Variants in NIPA1 observed in about 807,000 individuals in gnomAD.
The protein encoded by NIPA1 is NIPA magnesium transporter 1.
In NIPA1, 13 loss-of-function variants were observed where a neutral mutation model predicts 23.9. That is an observed-to-expected ratio of 0.54 (90% CI 0.35 to 0.87). NIPA1 has a LOEUF of 0.87. NIPA1 is among the 40% of genes least tolerant of loss of function. The pLI is 0.01. For synonymous variants in NIPA1, 234 were observed against 202.9 expected (o/e 1.15, Z -1.30); for missense variants, 362 against 429.7 (o/e 0.84, Z 1.39).
chr15:22,802,269 G>A (rs569223171), intron 1 of NIPA1, among the ~76,000 whole-genome samples: 14 of 151,674 alleles, frequency 9.2e-5, no homozygotes, highest in African/African-American at 3.4e-4. Flanking sequence ...GCACATGCCT[G>A]TAATCACAGC....
At chr15:22,789,667 C>T in intron 1 of NIPA1, among the ~76,000 whole-genome samples, 1 of 152,272 alleles carries the variant, frequency 6.6e-6, no homozygotes, top group East Asian at 1.9e-4. Flanking sequence ...AGTCATGTGG[C>T]ACCAAAGTAT....
rs1895626400 is a variant in NIPA1, at chr15:22,825,261, A to G, written c.*1022A>G. 1 of 152,214 alleles carries G rather than the reference A, an allele frequency of 6.6e-6. No homozygotes were observed. Among genetic ancestry groups the G allele is most frequent in the South Asian group, 2.1e-4 (1 of 4,830 alleles). The allele number at this position is 152,214 out of a possible 1,614,324, so 9.4% of individuals were successfully genotyped here. ...AACACAGTGGTGAGTATTTGTGTTT[A>G]CAAACATAGGAAAGGTACAGTAAAA... On this transcript the variant is annotated 3_prime_UTR_variant, in exon 5 of 5. Coordinates refer to ENST00000337435, the MANE Select transcript of NIPA1 (RefSeq NM_144599.5).
intron 1 of NIPA1, among the ~76,000 whole-genome samples, chr15:22,789,050 A>G (rs1176599795): frequency 6.7e-6 from 1 of 150,340 alleles, no homozygotes; most frequent in Admixed American, 6.6e-5. Flanking sequence ...CTGGAGTGCA[A>G]TGGCGCGATC....
At chr15:22,821,756 T>TGGTTTGCATGTCCACACTTG (rs1895545524) in intron 4 of NIPA1, among the ~76,000 whole-genome samples, 1 of 151,684 alleles carries the variant, frequency 6.6e-6, no homozygotes, top group Non-Finnish European at 1.5e-5. Context: ...GTCCACACTC[T>TGGTTTGCATGTCCACACTTG]CTGGTTTGCA....
At chr15:22,787,152 T>C (rs1009501652) in intron 1 of NIPA1, among the ~76,000 whole-genome samples, 3 of 152,012 alleles carry the variant, frequency 2.0e-5, no homozygotes, top group Non-Finnish European at 4.4e-5. Context: ...CGGCTGACTT[T>C]TTCCCTCGGT....
chr15:22,806,196 TACAGGCGTGA>T (rs1895208475), intron 1 of NIPA1, among the ~76,000 whole-genome samples: 1 of 152,218 alleles, frequency 6.6e-6, no homozygotes. Context: ...GTGCCGGGAT[TACAGGCGTGA>T]GCCACCGCGC....
At chr15:22,818,104 T>A (rs2140873461) in intron 3 of NIPA1, among the ~76,000 whole-genome samples, 1 of 152,104 alleles carries the variant, frequency 6.6e-6, no homozygotes, top group East Asian at 1.9e-4. Context: ...GGAGAAAAAA[T>A]TTCAAAGTAT....
intron 4 of NIPA1, among the ~76,000 whole-genome samples, chr15:22,823,230 T>C (rs559479200): frequency 2.8e-5 from 4 of 142,964 alleles, no homozygotes; most frequent in South Asian, 2.3e-4. Flanking sequence ...TTTTTTTTTT[T>C]CTGAGATGGA....
rs532791101 is a variant in NIPA1 at position 22,829,436 on chromosome 15, T to C, written c.*5197T>C. The C allele has an allele frequency of 6.5e-6, 1 of 152,688 alleles. No individual in the cohort carries two copies. Among genetic ancestry groups the C allele is most frequent in the South Asian group, 2.1e-4 (1 of 4,832 alleles). The allele number at this position is 152,688 out of a possible 1,614,324, so 9.5% of individuals were successfully genotyped here. On this transcript the variant is annotated 3_prime_UTR_variant, in exon 5 of 5. Transcript: ENST00000337435. Reference sequence around the variant, plus strand: ...TAATTGCCCCCCACCTTAGTATTTTTGCACTTTACAGAAATTTAGATACTG... The same window carrying C: ...TAATTGCCCCCCACCTTAGTATTTTCGCACTTTACAGAAATTTAGATACTG...
intron 1 of NIPA1, among the ~76,000 whole-genome samples, chr15:22,802,135 C>A (rs1015042856): frequency 3.3e-5 from 5 of 151,826 alleles, no homozygotes; most frequent in African/African-American, 1.2e-4. Flanking sequence ...GGCTCACGCC[C>A]GTAATCCCAG....
Position 22,823,725 on chromosome 15 carries a change from C to T in NIPA1, c.479-3C>T, listed in dbSNP as rs753093460. 6.2e-7 allele frequency: 1 copy of T among 1,603,412 alleles called. No homozygotes were observed. The highest frequency in any genetic ancestry group is 1.3e-5 in the African/African-American group (1 of 74,968). ...GGGTGACTGTGTGCTGTCTGTGTTC[C>T]AGTGTTTGTGGGCTACCTGTGCATC... On this transcript the variant is annotated splice_region_variant and splice_polypyrimidine_tract_variant and intron_variant, in intron 4 of 4. Transcript: ENST00000337435.
intron 1 of NIPA1, among the ~76,000 whole-genome samples, chr15:22,807,250 A>G (rs1310110287): frequency 6.6e-6 from 1 of 152,160 alleles, no homozygotes; most frequent in Non-Finnish European, 1.5e-5. Flanking sequence ...AACATATACT[A>G]TGTGATGATC....
chr15:22,811,667 G>A (rs1010899029), intron 2 of NIPA1, among the ~76,000 whole-genome samples: 1 of 152,100 alleles, frequency 6.6e-6, no homozygotes, highest in Non-Finnish European at 1.5e-5. Context: ...ACGACATTAC[G>A]TGGCAATACC....
chr15:22,824,654 A>G lies in NIPA1; in HGVS notation c.*415A>G, dbSNP rs987600196. 3.9e-5 allele frequency: 10 copies of G among 254,594 alleles called. No homozygotes were observed. Among genetic ancestry groups the G allele is most frequent in the African/African-American group, 2.3e-4 (10 of 44,064 alleles). 15.8% of individuals were successfully genotyped at this position (254,594 alleles called of 1,614,324 possible). Reference sequence around the variant, plus strand: ...AGAGATTGTTGTCTTGAACTCTGGCACTGTACAGTGAATGTGTCTGTAGTT... The same window carrying G: ...AGAGATTGTTGTCTTGAACTCTGGCGCTGTACAGTGAATGTGTCTGTAGTT... On this transcript the variant is annotated 3_prime_UTR_variant, in exon 5 of 5. Coordinates refer to ENST00000337435, the MANE Select transcript of NIPA1 (RefSeq NM_144599.5). This position sits in a 1 kb window ranked among gnomAD's most constrained non-coding sequence, Gnocchi z 4.1.
At chr15:22,789,556 TAGG>T (rs1214387186) in intron 1 of NIPA1, among the ~76,000 whole-genome samples, 1 of 151,858 alleles carries the variant, frequency 6.6e-6, no homozygotes. Flanking sequence ...GGTTAGTAAG[TAGG>T]AGAGAAAAGG....
intron 3 of NIPA1, among the ~76,000 whole-genome samples, chr15:22,816,178 ATTTTTTTTTTTTTTT>A (rs71117481): frequency 1.3e-5 from 1 of 77,458 alleles, no homozygotes; most frequent in East Asian, 5.4e-4. Context: ...AGAAGACCTG[ATTTTTTTTTTTTTTT>A]TTTTTTTTTT....
chr15:22,813,116 C>T (rs1452635232), intron 3 of NIPA1, among the ~76,000 whole-genome samples: 3 of 151,602 alleles, frequency 2.0e-5, no homozygotes, highest in Non-Finnish European at 4.4e-5. Flanking sequence ...GTGAGGGGGA[C>T]CTTTGGATTT....
intron 1 of NIPA1, among the ~76,000 whole-genome samples, chr15:22,801,077 G>GA (rs34922903): frequency 2.6e-4 from 38 of 145,768 alleles, no homozygotes; most frequent in Non-Finnish European, 3.2e-4. Flanking sequence ...TCCAGCTCAA[G>GA]AAAAAAAAAA....
At chr15:22,806,283 AC>A (rs2140862506) in intron 1 of NIPA1, among the ~76,000 whole-genome samples, 1 of 152,336 alleles carries the variant, frequency 6.6e-6, no homozygotes, top group East Asian at 1.9e-4. Context: ...GTCTAAAGCC[AC>A]ATGCCCCTGG....
Sources: gnomAD v4.1 joint callset for allele counts (sites outside exome capture counted in the v4.1 genomes callset) on GRCh38, gnomAD v4.1.1 for gene constraint, Gnocchi (gnomAD v3.1) non-coding constraint, MANE v1.5 for transcripts, NCBI Gene and HGNC (gene_info 2026-07-23, HGNC 2026-07-21) for gene names.